Variants in LTBP1 observed in about 807,000 individuals in gnomAD.
LTBP1 encodes latent transforming growth factor beta binding protein 1, also known as latent-transforming growth factor beta-binding protein 1.
Under a neutral mutation model 207.6 loss-of-function variants are expected in LTBP1, and 129 were observed. The observed-to-expected ratio is 0.62, with a 90% confidence interval of 0.54 to 0.72. The LOEUF is 0.72. LTBP1 is among the 30% of genes least tolerant of loss of function. The pLI is 0.00. For missense variants in LTBP1, 2,281 were observed against 2,217.2 expected, an observed-to-expected ratio of 1.03 and a Z score of -0.58; for synonymous variants, 963 against 833.7, an observed-to-expected ratio of 1.16 and a Z score of -2.67.
chr2:33,249,323 TCACACACACACACACACA>T (rs61249844), intron 10 of LTBP1, among the ~76,000 whole-genome samples: 23 of 141,316 alleles, frequency 1.6e-4, no homozygotes, highest in Admixed American at 4.3e-4. Flanking sequence ...GTCTGATTTT[TCACACACACACACACACA>T]CACACACACA....
chr2:32,987,461 G>C (rs762385091), intron 2 of LTBP1, among the ~76,000 whole-genome samples: 1 of 152,102 alleles, frequency 6.6e-6, no homozygotes, highest in Non-Finnish European at 1.5e-5. Flanking sequence ...CGTAGTTAGT[G>C]AGGAGATGAG....
chr2:32,973,737 A>T (rs549590263), intron 2 of LTBP1, among the ~76,000 whole-genome samples: 1 of 152,170 alleles, frequency 6.6e-6, no homozygotes, highest in South Asian at 2.1e-4. Context: ...CTTCTCCTCC[A>T]GCCCCTCACT....
In LTBP1 at chr2:33,288,951, A is replaced by C. The variant is rs191125004; in HGVS notation, c.3113-4209A>C. 2.5e-3 allele frequency among the ~76,000 whole-genome samples: 380 copies of C among 152,338 alleles called. 1 individual carries two copies. Among genetic ancestry groups the C allele is most frequent in the Non-Finnish European group, 4.4e-3 (299 of 68,028 alleles). On this transcript the variant is annotated intron_variant, in intron 19 of 33. Transcript: ENST00000404816. ...ATCTTGACAAAGAACTGTAGAATGC[A>C]TGATTCAAATGATGAGATGAAACAT...
intron 2 of LTBP1, among the ~76,000 whole-genome samples, chr2:32,971,032 G>A (rs1680785603): frequency 6.6e-6 from 1 of 151,108 alleles, no homozygotes. Context: ...GTGTGTGTGT[G>A]TGTGTGTGTG....
At chr2:33,302,121 A>G (rs1163030904) in intron 22 of LTBP1, among the ~76,000 whole-genome samples, 1 of 152,140 alleles carries the variant, frequency 6.6e-6, no homozygotes, top group Admixed American at 6.5e-5. Context: ...AACCACTTTC[A>G]CTACTTGTTT....
chr2:33,103,740 T>A (rs1348221565), intron 3 of LTBP1, among the ~76,000 whole-genome samples: 1 of 152,104 alleles, frequency 6.6e-6, no homozygotes, highest in Non-Finnish European at 1.5e-5. Flanking sequence ...CTGCATCAAA[T>A]CATAGCTGAC....
intron 26 of LTBP1, among the ~76,000 whole-genome samples, chr2:33,353,860 C>A (rs72861411): frequency 0.02 from 1,927 of 98,144 alleles, 38 homozygotes; most frequent in Middle Eastern, 0.046. Flanking sequence ...GCATGTACGC[C>A]TTTTTTTTTT....
intron 32 of LTBP1, among the ~76,000 whole-genome samples, chr2:33,393,127 T>A (rs1042287879): frequency 2.0e-5 from 3 of 151,916 alleles, no homozygotes; most frequent in Non-Finnish European, 4.4e-5. Flanking sequence ...GGGTTAGTGG[T>A]ACAGATTATT....
chr2:33,038,053 A>C (rs1335177851), intron 3 of LTBP1, among the ~76,000 whole-genome samples: 3 of 152,226 alleles, frequency 2.0e-5, no homozygotes, highest in Non-Finnish European at 2.9e-5. Flanking sequence ...CCTACAGAGG[A>C]GAGCACTTGT....
chr2:33,166,682 G>T (rs1043360584), intron 5 of LTBP1, among the ~76,000 whole-genome samples: 3 of 152,142 alleles, frequency 2.0e-5, no homozygotes, highest in Non-Finnish European at 4.4e-5. Flanking sequence ...ATATTGTCTT[G>T]ATTTAATGGA....
chr2:33,326,640 A>AATTAATTAATTTATTTATTTATTT (rs1553502915), intron 24 of LTBP1, among the ~76,000 whole-genome samples: 23 of 144,590 alleles, frequency 1.6e-4, no homozygotes, highest in African/African-American at 5.7e-4. Context: ...TGAGGGATAT[A>AATTAATTAATTTATTTATTTATTT]ATTTATTTAT....
chr2:33,396,257 C>G (rs561366463), intron 32 of LTBP1, among the ~76,000 whole-genome samples: 3 of 151,872 alleles, frequency 2.0e-5, no homozygotes, highest in Admixed American at 2.0e-4. Context: ...GAGTCCTGCT[C>G]TGTTGCTCAG....
At chr2:33,223,557 GAGT>G (rs2091255319) in intron 9 of LTBP1, among the ~76,000 whole-genome samples, 1 of 152,190 alleles carries the variant, frequency 6.6e-6, no homozygotes, top group Admixed American at 6.5e-5. Flanking sequence ...ATGGATGAAT[GAGT>G]AGGTTAAATT....
intron 3 of LTBP1, among the ~76,000 whole-genome samples, chr2:33,100,446 T>G (rs1223441325): frequency 6.6e-6 from 1 of 151,888 alleles, no homozygotes. Flanking sequence ...AAACCCAGCT[T>G]CTTTTTCCCT....
At chr2:33,051,307 C>T (rs1182317782) in intron 3 of LTBP1, among the ~76,000 whole-genome samples, 2 of 152,040 alleles carry the variant, frequency 1.3e-5, no homozygotes, top group Non-Finnish European at 2.9e-5. Flanking sequence ...GTTCTAGCTA[C>T]TTGGGAGACT....
chr2:33,296,465 C>T (rs906986409), intron 20 of LTBP1, among the ~76,000 whole-genome samples: 1 of 152,142 alleles, frequency 6.6e-6, no homozygotes, highest in African/African-American at 2.4e-5. Flanking sequence ...TGATGTGGCT[C>T]TTCCAGTGGT....
intron 3 of LTBP1, among the ~76,000 whole-genome samples, chr2:33,052,827 T>C (rs375528171): frequency 1.1e-4 from 17 of 152,326 alleles, no homozygotes; most frequent in African/African-American, 3.8e-4. Flanking sequence ...CTTTAGTCAT[T>C]GTAAGCTCTT....
intron 3 of LTBP1, among the ~76,000 whole-genome samples, chr2:33,046,986 A>G (rs1312958325): frequency 1.3e-5 from 2 of 151,878 alleles, no homozygotes; most frequent in Non-Finnish European, 2.9e-5. Flanking sequence ...TATTGTGTCT[A>G]TTTGATTCTT....
intron 2 of LTBP1, among the ~76,000 whole-genome samples, chr2:32,997,516 CAAAAGA>C (rs1685469648): frequency 6.6e-6 from 1 of 152,008 alleles, no homozygotes; most frequent in South Asian, 2.1e-4. Context: ...AAAAACAAAA[CAAAAGA>C]AAACCACACA....
Sources: allele counts gnomAD v4.1 joint callset (sites outside exome capture counted in the v4.1 genomes callset), GRCh38; gene constraint gnomAD v4.1.1; transcripts MANE v1.5; gene names NCBI Gene and HGNC (gene_info 2026-07-23, HGNC 2026-07-21).